The following PLCH1 variants were observed in gnomAD, a reference collection of about 807,000 sequenced individuals.
PLCH1 encodes phospholipase C eta 1.
In PLCH1, 60 loss-of-function variants were observed where a neutral mutation model predicts 126.7. The ratio of observed to expected loss-of-function variants is 0.47; its 90% CI spans 0.38 to 0.59. The LOEUF (loss-of-function observed/expected upper bound fraction) is 0.59. Ranked by LOEUF, PLCH1 falls within the 20% of genes least tolerant of loss-of-function variation. The pLI is 0.00. For synonymous variants in PLCH1, 719 were observed against 734.9 expected (o/e 0.98, Z 0.35); for missense variants, 1,723 against 2,040.0 (o/e 0.84, Z 2.99).
chr3:155,617,770 G>A lies in PLCH1; in HGVS notation c.80-21392C>T, dbSNP rs78410768. ...TAAGGAATCAGAGGTGATTTATAGA[G>A]CCAATAAAATCCCTTGAAAAAACTG... is the stretch of plus-strand genomic sequence containing the variant. On this transcript the variant is annotated intron_variant, in intron 2 of 22. Coordinates refer to ENST00000460012, the MANE Select transcript of PLCH1 (RefSeq NM_014996.4). Among the ~76,000 whole-genome samples the A allele has an allele frequency of 2.1e-3, 327 of 152,256 alleles. 11 individuals carry two copies. The East Asian group carries it at 0.058, about 27-fold the overall frequency.
chr3:155,574,145 C>G (rs1348571884), intron 6 of PLCH1, among the ~76,000 whole-genome samples: 5 of 152,116 alleles, frequency 3.3e-5, no homozygotes, highest in African/African-American at 1.2e-4. Context: ...AAACTCCTGA[C>G]CTCAAGTGAT....
intron 2 of PLCH1, among the ~76,000 whole-genome samples, chr3:155,668,592 A>G (rs1743052268): frequency 6.6e-6 from 1 of 152,146 alleles, no homozygotes; most frequent in Non-Finnish European, 1.5e-5. Flanking sequence ...CAGAGGGGAA[A>G]ATAAGAAACG....
chr3:155,550,250 AAAG>A (rs1205682704), intron 9 of PLCH1, among the ~76,000 whole-genome samples: 2 of 152,344 alleles, frequency 1.3e-5, no homozygotes, highest in East Asian at 3.9e-4. Context: ...GTTTCTTTTA[AAAG>A]AAGAGAAAAT....
chr3:155,464,610 T>C (rs775256217), intron 21 of PLCH1, among the ~76,000 whole-genome samples: 8 of 152,170 alleles, frequency 5.3e-5, no homozygotes, highest in Non-Finnish European at 1.2e-4. Context: ...GTTAGTATCT[T>C]GATTGAGACC....
intron 2 of PLCH1, among the ~76,000 whole-genome samples, chr3:155,663,749 C>T (rs1165509445): frequency 6.6e-6 from 1 of 152,090 alleles, no homozygotes; most frequent in Non-Finnish European, 1.5e-5. Context: ...CATGAACTTC[C>T]CCTCCAACAT....
intron 21 of PLCH1, chr3:155,457,357 A>C (rs1712475140): frequency 6.6e-6 from 1 of 152,256 alleles, no homozygotes; most frequent in Non-Finnish European, 1.5e-5. Context: ...AGTGCCCATC[A>C]TGTGCTCCAT....
In PLCH1 at chr3:155,743,671, T is replaced by C. The variant is rs1356075778; in HGVS notation, c.-41+1169A>G. The C allele has an allele frequency of 1.3e-5, 5 of 379,426 alleles. No individual in the cohort carries two copies. In the East Asian group the frequency reaches 3.9e-4, roughly 29 times the overall value. The allele number at this position is 379,426 out of a possible 1,614,324, so 23.5% of individuals were successfully genotyped here. On this transcript the variant is annotated intron_variant, in intron 1 of 22. Coordinates refer to ENST00000460012, the MANE Select transcript of PLCH1 (RefSeq NM_014996.4). ...GGCAACTGAAAAAAACTACCGCCTCTTCTGGGAAATCCTTTGTTTCTTTTC... is the reference window on the plus strand; with the variant it reads ...GGCAACTGAAAAAAACTACCGCCTCCTCTGGGAAATCCTTTGTTTCTTTTC...
At chr3:155,612,232 G>A (rs983299206) in intron 2 of PLCH1, among the ~76,000 whole-genome samples, 19 of 152,052 alleles carry the variant, frequency 1.2e-4, no homozygotes, top group Admixed American at 9.8e-4. Context: ...GGGAGGCTGA[G>A]GCAAAAGAAT....
chr3:155,615,960 C>A (rs1189793694), intron 2 of PLCH1, among the ~76,000 whole-genome samples: 4 of 152,130 alleles, frequency 2.6e-5, no homozygotes, highest in Non-Finnish European at 4.4e-5. Flanking sequence ...AGGTAAGATA[C>A]TACTGTCCTT....
At chr3:155,521,272 A>G (rs1304286542) in intron 11 of PLCH1, among the ~76,000 whole-genome samples, 1 of 152,090 alleles carries the variant, frequency 6.6e-6, no homozygotes, top group Non-Finnish European at 1.5e-5. Context: ...TTTCTTGTCT[A>G]TCCTCCTCTT....
intron 12 of PLCH1, among the ~76,000 whole-genome samples, chr3:155,513,667 T>A (rs1719917640): frequency 6.6e-6 from 1 of 152,176 alleles, no homozygotes; most frequent in South Asian, 2.1e-4. Context: ...AATCCAGAAT[T>A]ACATGGTAAA....
At chr3:155,485,234 A>G in intron 22 of PLCH1, 122 bp downstream of exon 22, 1 of 644,732 alleles carries the variant, frequency 1.6e-6, no homozygotes, top group Non-Finnish European at 2.7e-6. Context: ...TCACATTACA[A>G]AGTATTTATT....
At chr3:155,585,248 C>G (rs1453291268) in intron 5 of PLCH1, among the ~76,000 whole-genome samples, 1 of 152,184 alleles carries the variant, frequency 6.6e-6, no homozygotes, top group African/African-American at 2.4e-5. Flanking sequence ...GTTGTCTCTG[C>G]TCTTACCACC....
At chr3:155,702,667 T>A (rs902817188) in intron 2 of PLCH1, among the ~76,000 whole-genome samples, 5 of 150,538 alleles carry the variant, frequency 3.3e-5, no homozygotes, top group Non-Finnish European at 7.4e-5. Context: ...TCTAAAATAA[T>A]GAAAATAATA....
chr3:155,642,824 T>C (rs1401788058), intron 2 of PLCH1, among the ~76,000 whole-genome samples: 2 of 152,230 alleles, frequency 1.3e-5, no homozygotes, highest in Admixed American at 6.5e-5. Context: ...TTGGGTAGTG[T>C]CCTCCTACAT....
Position 155,481,829 on chromosome 3 carries a change from G to T in PLCH1, c.4197C>A (p.Gly1399=). Residue 1399 remains glycine (G), a synonymous_variant, in exon 23 of 23, where the codon GGC becomes GGA. Transcript: ENST00000460012. The surrounding 1 kb of genome is among the most constrained non-coding windows in gnomAD (Gnocchi z 4.2). Reference sequence around the variant, plus strand: ...AAGGGCGGAGGGTCTCTTTACAGTAGCCGTTTCTCAAACCTCTTTGAAAGT... The same window carrying T: ...AAGGGCGGAGGGTCTCTTTACAGTATCCGTTTCTCAAACCTCTTTGAAAGT... The part of the protein sequence containing the change: ...VEHFQRGLRN[G]YCKETLRPSV... 6.2e-7 allele frequency: 1 copy of T among 1,614,138 alleles called. No individual in the cohort carries two copies. The highest frequency in any genetic ancestry group is 8.5e-7 in the Non-Finnish European group (1 of 1,180,020).
At chr3:155,630,399 T>C (rs1737887575) in intron 2 of PLCH1, among the ~76,000 whole-genome samples, 2 of 152,242 alleles carry the variant, frequency 1.3e-5, no homozygotes, top group South Asian at 4.1e-4. Flanking sequence ...AGAACTTGAT[T>C]TGAAAGTGTT....
chr3:155,599,501 G>T (rs1288480279), intron 2 of PLCH1, among the ~76,000 whole-genome samples: 1 of 152,150 alleles, frequency 6.6e-6, no homozygotes, highest in Non-Finnish European at 1.5e-5. Context: ...GTTGTGGGGG[G>T]ACTGGGGATG....
At chr3:155,523,783 C>A in intron 11 of PLCH1, 114 bp downstream of exon 11, 2 of 629,682 alleles carry the variant, frequency 3.2e-6, no homozygotes, top group African/African-American at 1.9e-5. Context: ...CAATGAATAT[C>A]CTTTCTACAC....
Sources: allele counts gnomAD v4.1 joint callset (sites outside exome capture counted in the v4.1 genomes callset), GRCh38; gene constraint gnomAD v4.1.1; non-coding constraint Gnocchi (gnomAD v3.1); transcripts MANE v1.5; gene names NCBI Gene and HGNC (gene_info 2026-07-23, HGNC 2026-07-21).